Variants in CDK19 observed in about 807,000 individuals in gnomAD.
CDK19 encodes the protein cyclin-dependent kinase 19.
Under a neutral mutation model 68.3 loss-of-function variants are expected in CDK19, and 20 were observed. The ratio of observed to expected loss-of-function variants is 0.29; its 90% CI spans 0.21 to 0.43. The LOEUF (loss-of-function observed/expected upper bound fraction) is 0.43, where lower values mean the gene tolerates loss of function less well. CDK19 is among the 20% of genes least tolerant of loss of function. CDK19 has a pLI of 1.00. For missense variants in CDK19, 339 were observed against 623.5 expected, an observed-to-expected ratio of 0.54 and a Z score of 4.86; for synonymous variants, 221 against 222.8, an observed-to-expected ratio of 0.99 and a Z score of 0.07.
At chr6:110,778,515 G>A (rs1004098001) in intron 1 of CDK19, among the ~76,000 whole-genome samples, 2 of 152,202 alleles carry the variant, frequency 1.3e-5, no homozygotes, top group Admixed American at 1.3e-4. Context: ...TTTACTCAGA[G>A]TTAGTACAGA....
intron 2 of CDK19, among the ~76,000 whole-genome samples, chr6:110,695,987 A>T (rs1470058845): frequency 6.6e-6 from 1 of 152,226 alleles, no homozygotes; most frequent in Non-Finnish European, 1.5e-5. Flanking sequence ...AATCGTCCCT[A>T]AATCATTCTA....
chr6:110,626,758 CTG>C lies in CDK19; in HGVS notation c.860+16_860+17del. 1 of 1,439,806 alleles carries C rather than the reference CTG, an allele frequency of 6.9e-7. No homozygotes were observed. The highest frequency in any genetic ancestry group is 9.6e-7 in the Non-Finnish European group (1 of 1,043,574). The allele number at this position is 1,439,806 out of a possible 1,614,324, so 89.2% of individuals were successfully genotyped here. Reference sequence around the variant, plus strand: ...TTATAGCAGCACAAAAAGACTAAGACTGTGTGGAATTACTTACGTTGTTCTTC... The same window carrying C: ...TTATAGCAGCACAAAAAGACTAAGACTGTGGAATTACTTACGTTGTTCTTC... On this transcript the variant is annotated intron_variant, in intron 8 of 12. Coordinates refer to ENST00000368911, the MANE Select transcript of CDK19 (RefSeq NM_015076.5).
At position 110,610,418 on chromosome 6, in the gene CDK19, C is replaced by T. The variant is rs995520904; in HGVS notation, c.*4117G>A. On this transcript the variant is annotated 3_prime_UTR_variant, in exon 13 of 13. Coordinates refer to ENST00000368911, the MANE Select transcript of CDK19 (RefSeq NM_015076.5). Reference sequence around the variant, plus strand: ...ACTTTTAGTGTCTACACAGACAAATCTTTAAAAAAATTAAATAGTATTAAT... The same window carrying T: ...ACTTTTAGTGTCTACACAGACAAATTTTTAAAAAAATTAAATAGTATTAAT... 2.0e-5 allele frequency: 3 copies of T among 151,532 alleles called. No homozygotes were observed. Among genetic ancestry groups the T allele is most frequent in the African/African-American group, 7.3e-5 (3 of 41,148 alleles). 9.4% of individuals were successfully genotyped at this position (151,532 alleles called of 1,614,324 possible). A position where few individuals can be genotyped will look rare whatever the true frequency, so the allele number is the denominator to read the frequency against.
intron 4 of CDK19, among the ~76,000 whole-genome samples, chr6:110,651,668 ATGCTTTGTC>A (rs1780982673): frequency 6.6e-6 from 1 of 152,304 alleles, no homozygotes; most frequent in South Asian, 2.1e-4. Context: ...TTTATTTTTC[ATGCTTTGTC>A]TGGTTTTGCT....
intron 4 of CDK19, among the ~76,000 whole-genome samples, chr6:110,642,618 G>A (rs1437975357): frequency 6.6e-6 from 1 of 152,192 alleles, no homozygotes; most frequent in Non-Finnish European, 1.5e-5. Context: ...GGCTGACTAA[G>A]TGCTCTGAGG....
At chr6:110,644,316 T>A (rs1311919903) in intron 4 of CDK19, among the ~76,000 whole-genome samples, 2 of 150,912 alleles carry the variant, frequency 1.3e-5, no homozygotes, top group East Asian at 3.9e-4. Flanking sequence ...ATTAAAAAAA[T>A]TGACTTTATG....
rs751349913 is a variant in CDK19, at chr6:110,718,147, C to T, written c.204+27979G>A. ...CCAAATTTCTGTTGCCTGTAAGTTA[C>T]CCAGTCCAAAGTGTTTTGTTGGAGC... On this transcript the variant is annotated intron_variant, in intron 2 of 12. Transcript: ENST00000368911. Among the ~76,000 whole-genome samples the T allele has an allele frequency of 1.7e-4, 26 of 152,256 alleles. No individual in the cohort carries two copies. In the South Asian group the frequency reaches 3.7e-3, roughly 22 times the overall value.
chr6:110,621,003 G>C lies in CDK19; in HGVS notation c.1377+101C>G. ...AATGCCCTAGAAACAGGATTGCACA[G>C]TCAAATGTAAGAGTTAAGTGTTACT... On this transcript the variant is annotated intron_variant, in intron 12 of 12. Coordinates refer to ENST00000368911, the MANE Select transcript of CDK19 (RefSeq NM_015076.5). The surrounding 1 kb of genome is among the most constrained non-coding windows in gnomAD (Gnocchi z 5.4). 2 of 1,140,178 alleles carry C rather than the reference G, an allele frequency of 1.8e-6. No individual in the cohort carries two copies. The highest frequency in any genetic ancestry group is 2.4e-5 in the Admixed American group (1 of 42,248). The allele number at this position is 1,140,178 out of a possible 1,614,324, so 70.6% of individuals were successfully genotyped here. A position where few individuals can be genotyped will look rare whatever the true frequency, so the allele number is the denominator to read the frequency against.
chr6:110,747,087 T>G (rs1778130278), intron 1 of CDK19, among the ~76,000 whole-genome samples: 1 of 152,180 alleles, frequency 6.6e-6, no homozygotes, highest in South Asian at 2.1e-4. Context: ...CCAAGTTTTG[T>G]CTTTTGATCA....
chr6:110,721,895 C>G (rs1775923392), intron 2 of CDK19, among the ~76,000 whole-genome samples: 1 of 152,044 alleles, frequency 6.6e-6, no homozygotes, highest in South Asian at 2.1e-4. Context: ...ACCAGGGAGA[C>G]AGAGGTTGCA....
At chr6:110,761,480 C>T (rs1454874452) in intron 1 of CDK19, among the ~76,000 whole-genome samples, 1 of 152,050 alleles carries the variant, frequency 6.6e-6, no homozygotes, top group Non-Finnish European at 1.5e-5. Flanking sequence ...GTGTCTAGCT[C>T]GGGCAATGGG....
At chr6:110,625,732 G>C (rs1214170184) in intron 8 of CDK19, among the ~76,000 whole-genome samples, 1 of 152,084 alleles carries the variant, frequency 6.6e-6, no homozygotes, top group Non-Finnish European at 1.5e-5. Flanking sequence ...AAGAGCCCAG[G>C]ATAGAACCTT....
At chr6:110,620,331 T>C (rs369854000) in intron 12 of CDK19, among the ~76,000 whole-genome samples, 65 of 152,254 alleles carry the variant, frequency 4.3e-4, no homozygotes, top group Middle Eastern at 3.4e-3. Flanking sequence ...CTCTATCCTA[T>C]GCACTCATCT....
rs1352675681 is a variant in CDK19, at chr6:110,610,063, G to C, written c.*4472C>G. On this transcript the variant is annotated 3_prime_UTR_variant, in exon 13 of 13. Transcript: ENST00000368911. ...TAGTTTTAACAGTCATTTCAAGAAG[G>C]AAGTCAGGTCAACTCAAAAGCAGGA... 1 of 152,178 alleles carries C rather than the reference G, an allele frequency of 6.6e-6. No homozygotes were observed. The highest frequency in any genetic ancestry group is 1.5e-5 in the Non-Finnish European group (1 of 68,038). 9.4% of individuals were successfully genotyped at this position (152,178 alleles called of 1,614,324 possible).
At chr6:110,727,126 T>C (rs919786480) in intron 2 of CDK19, among the ~76,000 whole-genome samples, 4 of 152,186 alleles carry the variant, frequency 2.6e-5, no homozygotes, top group Non-Finnish European at 5.9e-5. Context: ...TATAAGACCA[T>C]TTCTCATGAG....
At chr6:110,742,501 C>T (rs1184344034) in intron 2 of CDK19, among the ~76,000 whole-genome samples, 17 of 152,138 alleles carry the variant, frequency 1.1e-4, no homozygotes, top group Admixed American at 1.0e-3. Flanking sequence ...GGTCTGACTG[C>T]CTGCGGGGTC....
At chr6:110,744,898 TGAA>T (rs1777966750) in intron 2 of CDK19, among the ~76,000 whole-genome samples, 1 of 152,200 alleles carries the variant, frequency 6.6e-6, no homozygotes, top group Non-Finnish European at 1.5e-5. Context: ...CTAAAAGCGA[TGAA>T]GGAGTGTTTC....
chr6:110,799,496 T>C (rs1220154828), intron 1 of CDK19, among the ~76,000 whole-genome samples: 8 of 152,228 alleles, frequency 5.3e-5, no homozygotes, highest in Non-Finnish European at 1.2e-4. Flanking sequence ...CTCGTATACT[T>C]TAAATCATCC....
intron 2 of CDK19, among the ~76,000 whole-genome samples, chr6:110,702,703 G>T (rs1158115231): frequency 6.6e-6 from 1 of 152,094 alleles, no homozygotes; most frequent in Non-Finnish European, 1.5e-5. Flanking sequence ...GATATGGAAA[G>T]ATCACTAAGA....
Sources: gnomAD v4.1 joint callset for allele counts (sites outside exome capture counted in the v4.1 genomes callset) on GRCh38, gnomAD v4.1.1 for gene constraint, Gnocchi (gnomAD v3.1) non-coding constraint, MANE v1.5 for transcripts, NCBI Gene and HGNC (gene_info 2026-07-23, HGNC 2026-07-21) for gene names.